CD46: variants seen among roughly 807,000 people sequenced by gnomAD.
The protein encoded by CD46 is CD46 molecule, also known as membrane cofactor protein.
In CD46, 30 loss-of-function variants were observed where a neutral mutation model predicts 53.3. The observed-to-expected ratio is 0.56, with a 90% CI of 0.42 to 0.76. The LOEUF is 0.76. Ranked by LOEUF, CD46 falls within the 30% of genes least tolerant of loss-of-function variation. CD46 has a pLI of 0.00. For missense variants in CD46, 409 were observed against 463.0 expected, an observed-to-expected ratio of 0.88 and a Z score of 1.07; for synonymous variants, 142 against 152.0, an observed-to-expected ratio of 0.93 and a Z score of 0.48.
chr1:207,784,021 G>A (rs1052675312), intron 9 of CD46, among the ~76,000 whole-genome samples: 12 of 152,194 alleles, frequency 7.9e-5, no homozygotes, highest in Admixed American at 5.2e-4. Flanking sequence ...AGATTTTATA[G>A]GATTATTTTG....
chr1:207,793,995 A>G lies in CD46; in HGVS notation c.*518A>G, dbSNP rs867789788. 1.0e-5 allele frequency: 2 copies of G among 200,180 alleles called. No individual in the cohort carries two copies. Among genetic ancestry groups the G allele is most frequent in the Non-Finnish European group, 1.0e-5 (1 of 95,636 alleles). The allele number at this position is 200,180 out of a possible 1,614,324, so 12.4% of individuals were successfully genotyped here. ...TCTTAAGATTATTCTTTCACCAACT[A>G]TAGAATGTATTTTATATATCGTTCA... On this transcript the variant is annotated 3_prime_UTR_variant, in exon 13 of 13. Transcript: ENST00000367042.
intron 5 of CD46, among the ~76,000 whole-genome samples, chr1:207,763,898 G>T (rs1571605281): frequency 2.3e-5 from 3 of 133,242 alleles, no homozygotes; most frequent in South Asian, 2.4e-4. Context: ...TCTCATTTAT[G>T]CCCTGTGTTA....
intron 8 of CD46, among the ~76,000 whole-genome samples, chr1:207,773,266 G>A (rs1180068996): frequency 2.6e-5 from 4 of 152,028 alleles, no homozygotes; most frequent in Admixed American, 6.6e-5. Context: ...ATTTTTTATT[G>A]CGTCTATTTG....
At position 207,793,532 on chromosome 1, in the gene CD46, G is replaced by A. The variant is rs568096610; in HGVS notation, c.*55G>A. The stretch of plus-strand genomic sequence containing the variant: ...CTTGGTTTGCAGGAAAGCAGATGGT[G>A]GAGCTGAATATGCCACTTACCAGAC... On this transcript the variant is annotated 3_prime_UTR_variant, in exon 13 of 13. Coordinates refer to ENST00000367042, the MANE Select transcript of CD46 (RefSeq NM_172351.3). 8 of 1,613,506 alleles carry A rather than the reference G, an allele frequency of 5.0e-6. No homozygotes were observed. In the African/African-American group the frequency reaches 1.1e-4, roughly 21 times the overall value.
intron 4 of CD46, chr1:207,760,331 G>C (rs1656037284): frequency 6.5e-6 from 1 of 152,708 alleles, no homozygotes; most frequent in Non-Finnish European, 1.5e-5. Context: ...CTTAAAGCAA[G>C]ATTGTATTTG....
intron 5 of CD46, 22 bp from the exon 6 acceptor site, chr1:207,766,991 T>C: frequency 6.3e-7 from 1 of 1,599,194 alleles, no homozygotes; most frequent in Non-Finnish European, 8.6e-7. Flanking sequence ...CCATTAATTC[T>C]GAGGTTTCTC....
chr1:207,772,936 C>T (rs1222324202), intron 8 of CD46, among the ~76,000 whole-genome samples: 1 of 152,140 alleles, frequency 6.6e-6, no homozygotes, highest in African/African-American at 2.4e-5. Flanking sequence ...GGGAGGATTC[C>T]CTCTTTTTCT....
Position 207,793,798 on chromosome 1 carries a change from A to G in CD46, c.*321A>G. ...CAGATTGCCTGCTTTCCCTTAAATA[A>G]CACTTAGATTTATTGGACCAGTCAG... On this transcript the variant is annotated 3_prime_UTR_variant, in exon 13 of 13. Coordinates refer to ENST00000367042, the MANE Select transcript of CD46 (RefSeq NM_172351.3). 3 of 627,198 alleles carry G rather than the reference A, an allele frequency of 4.8e-6. No homozygotes were observed. The highest frequency in any genetic ancestry group is 1.8e-5 in the African/African-American group (1 of 55,456). 38.9% of individuals were successfully genotyped at this position (627,198 alleles called of 1,614,324 possible).
intron 8 of CD46, among the ~76,000 whole-genome samples, chr1:207,781,562 T>C (rs865855468): frequency 6.6e-5 from 10 of 152,296 alleles, no homozygotes; most frequent in Admixed American, 2.0e-4. Context: ...TAGTTTTACC[T>C]CTTATGTTTA....
chr1:207,757,326 C>T (rs1655672171), intron 2 of CD46, 124 bp downstream of exon 2: 1 of 985,554 alleles, frequency 1.0e-6, no homozygotes, highest in Non-Finnish European at 1.6e-6. Flanking sequence ...GATAACAATG[C>T]ATTTTTGCAA....
intron 5 of CD46, among the ~76,000 whole-genome samples, chr1:207,762,092 G>A (rs923634277): frequency 6.6e-6 from 1 of 152,110 alleles, no homozygotes; most frequent in African/African-American, 2.4e-5. Flanking sequence ...TATCACAATA[G>A]AATGAAAGCA....
chr1:207,755,215 A>G (rs1655399204), intron 1 of CD46, among the ~76,000 whole-genome samples: 1 of 152,182 alleles, frequency 6.6e-6, no homozygotes, highest in South Asian at 2.1e-4. Flanking sequence ...GAAATAGAGG[A>G]ACATAGAATT....
intron 5 of CD46, among the ~76,000 whole-genome samples, chr1:207,765,629 T>C (rs551817772): frequency 1.3e-5 from 2 of 152,202 alleles, no homozygotes; most frequent in East Asian, 1.9e-4. Flanking sequence ...TAAATACCTA[T>C]TGGAAAGGCC....
At chr1:207,764,851 G>A (rs974646654) in intron 5 of CD46, among the ~76,000 whole-genome samples, 5 of 152,154 alleles carry the variant, frequency 3.3e-5, no homozygotes, top group Non-Finnish European at 7.3e-5. Context: ...GCTTCACTGG[G>A]GAGTTCTACC....
rs1240826353 is a variant in CD46 at position 207,795,119 on chromosome 1, A to T, written c.*1642A>T. On this transcript the variant is annotated 3_prime_UTR_variant, in exon 13 of 13. Transcript: ENST00000367042. The stretch of plus-strand genomic sequence containing the variant: ...TCACATGCTTTTCAAGAATGTCGCA[A>T]TTACTAAGAAGCAGATAATGGTGTT... The T allele has an allele frequency of 6.6e-6, 1 of 152,242 alleles. No individual in the cohort carries two copies. Among genetic ancestry groups the T allele is most frequent in the Non-Finnish European group, 1.5e-5 (1 of 68,038 alleles). The allele number at this position is 152,242 out of a possible 1,614,324, so 9.4% of individuals were successfully genotyped here.
intron 11 of CD46, among the ~76,000 whole-genome samples, chr1:207,788,360 C>CAAAA (rs1205954774): frequency 2.5e-5 from 2 of 80,120 alleles, no homozygotes; most frequent in Admixed American, 2.5e-4. Context: ...ACTAAAAATA[C>CAAAA]AAAAAAAAAA....
chr1:207,756,766 GTC>G (rs1655588682), intron 1 of CD46, among the ~76,000 whole-genome samples: 1 of 152,188 alleles, frequency 6.6e-6, no homozygotes, highest in African/African-American at 2.4e-5. Context: ...CATTAATGCT[GTC>G]TCTTCAGTTT....
intron 5 of CD46, chr1:207,763,056 C>T (rs1219260405): frequency 6.6e-6 from 1 of 152,416 alleles, no homozygotes; most frequent in Non-Finnish European, 1.5e-5. Context: ...AGACCAAAAA[C>T]CCCAGTTTGC....
chr1:207,768,950 A>C lies in CD46; in HGVS notation c.901+1127A>C, dbSNP rs572806009. 8 of 152,304 alleles carry C rather than the reference A, an allele frequency of 5.3e-5. No individual in the cohort carries two copies. The South Asian group carries it at 1.7e-3, about 32-fold the overall frequency. The allele number at this position is 152,304 out of a possible 1,614,324, so 9.4% of individuals were successfully genotyped here. ...AGGATCGAAGAGAATTATGCATGTT[A>C]ACATAGTAATTAAGATACCTTCTTA... On this transcript the variant is annotated intron_variant, in intron 7 of 12. Transcript: ENST00000367042.
Sources: gnomAD v4.1 joint callset for allele counts (sites outside exome capture counted in the v4.1 genomes callset) on GRCh38, gnomAD v4.1.1 for gene constraint, MANE v1.5 for transcripts, NCBI Gene and HGNC (gene_info 2026-07-23, HGNC 2026-07-21) for gene names.